Variants in TAF6 observed in about 807,000 individuals in gnomAD.
The protein encoded by TAF6 is transcription initiation factor TFIID subunit 6.
Under a neutral mutation model 73.5 loss-of-function variants are expected in TAF6, and 50 were observed. The ratio of observed to expected loss-of-function variants is 0.68; its 90% CI spans 0.54 to 0.86. TAF6 has a LOEUF of 0.86. TAF6 is among the 40% of genes least tolerant of loss of function. The pLI is 0.00. For synonymous variants in TAF6, 424 were observed against 376.7 expected (o/e 1.13, Z -1.45); for missense variants, 768 against 899.5 (o/e 0.85, Z 1.87).
Position 100,107,226 on chromosome 7 carries a change from G to A in TAF6, c.*20C>T, listed in dbSNP as rs4134928. The A allele has an allele frequency of 2.3e-3, 3,562 of 1,518,962 alleles. 62 individuals are homozygous for A. The South Asian group carries it at 0.029, about 12-fold the overall frequency. The allele number at this position is 1,518,962 out of a possible 1,614,324, so 94.1% of individuals were successfully genotyped here. A position where few individuals can be genotyped will look rare whatever the true frequency, so the allele number is the denominator to read the frequency against. Reference sequence around the variant, plus strand: ...TACATGTCTGCATGTGTGGGAATCCGGGGGCTGGCAGGTGGAGCATCACGG... The same window carrying A: ...TACATGTCTGCATGTGTGGGAATCCAGGGGCTGGCAGGTGGAGCATCACGG... On this transcript the variant is annotated 3_prime_UTR_variant, in exon 15 of 15. Coordinates refer to ENST00000453269, the MANE Select transcript of TAF6 (RefSeq NM_139315.3).
At chr7:100,115,023 A>G (rs1214015422) in intron 1 of TAF6, among the ~76,000 whole-genome samples, 1 of 151,824 alleles carries the variant, frequency 6.6e-6, no homozygotes, top group Non-Finnish European at 1.5e-5. Context: ...CACACAGCCA[A>G]TTTTTTGCAG....
In TAF6 at chr7:100,111,860, C is replaced by T. The variant is rs562986054; in HGVS notation, c.799-31G>A. On this transcript the variant is annotated intron_variant, in intron 8 of 14. Coordinates refer to ENST00000453269, the MANE Select transcript of TAF6 (RefSeq NM_139315.3). ...GGAGGGAGAAGTGCTGGGCATGGGG[C>T]AGGGAGACCCTCACAGGAGCTTCCA... 2.8e-5 allele frequency: 45 copies of T among 1,614,072 alleles called. No homozygotes were observed. In the South Asian group the frequency reaches 4.7e-4, roughly 17 times the overall value.
Position 100,112,122 on chromosome 7 carries a change from C to CGCA in TAF6, c.703_705dup (p.Cys235dup). ...GGGGCCCTCACCGCCCTCTTGGCCTCGCAGGAGCCCACGCAGGCCTCGGTG... is the reference window on the plus strand; with the variant it reads ...GGGGCCCTCACCGCCCTCTTGGCCTCGCAGCAGGAGCCCACGCAGGCCTCGGTG... On this transcript the variant is annotated inframe_insertion, in exon 7 of 15. Transcript: ENST00000453269. The CGCA allele has an allele frequency of 6.2e-7, 1 of 1,613,752 alleles. No homozygotes were observed. Among genetic ancestry groups the CGCA allele is most frequent in the Non-Finnish European group, 8.5e-7 (1 of 1,179,800 alleles).
the TAF6 span, chr7:100,125,273 G>A: frequency 2.1e-5 from 4 of 188,870 alleles, no homozygotes; most frequent in African/African-American, 4.7e-5. Context: ...TTCCAAGGAA[G>A]AGGCCAGAAC....
rs1477820857 is a variant in TAF6, at chr7:100,113,478, G to A, written c.398-73C>T. ...GGGAGTTGCCCCATGCTATGGAAGC[G>A]TGTTTCCACTCCTGCTCCCCTTGCA... On this transcript the variant is annotated intron_variant, in intron 4 of 14. Coordinates refer to ENST00000453269, the MANE Select transcript of TAF6 (RefSeq NM_139315.3). The A allele has an allele frequency of 8.5e-6, 13 of 1,522,794 alleles. No homozygotes were observed. In the Admixed American group the frequency reaches 1.7e-4, roughly 20 times the overall value. 94.3% of individuals were successfully genotyped at this position (1,522,794 alleles called of 1,614,324 possible). A position where few individuals can be genotyped will look rare whatever the true frequency, so the allele number is the denominator to read the frequency against.
chr7:100,117,490 T>C (rs1490532736), intron 1 of TAF6, among the ~76,000 whole-genome samples: 3 of 151,636 alleles, frequency 2.0e-5, no homozygotes, highest in Non-Finnish European at 4.4e-5. Context: ...CAGGCTGGTC[T>C]TGAACTCCTG....
Position 100,107,375 on chromosome 7 carries a change from C to A in TAF6, c.1905G>T (p.Pro635=). 1 of 1,587,848 alleles carries A rather than the reference C, an allele frequency of 6.3e-7. No homozygotes were observed. The highest frequency in any genetic ancestry group is 1.1e-5 in the South Asian group (1 of 87,966). ...PSPVPPPASS[P]SPLSGSALCG... is the part of the protein sequence containing the mutation. Reference sequence around the variant, plus strand: ...AAAGGGCACTGCCGCTGAGTGGGGACGGGGACGATGCCGGGGGAGGAACTG... The same window carrying A: ...AAAGGGCACTGCCGCTGAGTGGGGAAGGGGACGATGCCGGGGGAGGAACTG... Residue 635 remains proline (P), a synonymous_variant, in exon 15 of 15, where the codon CCG becomes CCT. Coordinates refer to ENST00000453269, the MANE Select transcript of TAF6 (RefSeq NM_139315.3).
At chr7:100,124,936 C>T in the TAF6 span, 4 of 1,534,666 alleles carry the variant, frequency 2.6e-6, no homozygotes, top group South Asian at 5.2e-5. Context: ...GGAGAGCCCT[C>T]TAAAGCCTGC....
At chr7:100,117,674 T>TTGG (rs1797779171) in intron 1 of TAF6, among the ~76,000 whole-genome samples, 1 of 152,152 alleles carries the variant, frequency 6.6e-6, no homozygotes, top group South Asian at 2.1e-4. Flanking sequence ...CTTAGAGATA[T>TTGG]TGGTGCTCAG....
the TAF6 span, chr7:100,126,633 A>C: frequency 6.6e-6 from 1 of 152,202 alleles, no homozygotes; most frequent in Non-Finnish European, 1.5e-5. Flanking sequence ...TGTCTCCAAA[A>C]AAAAAGAGAA....
chr7:100,122,512 T>G (rs777487086), upstream of TAF6: 1 of 1,613,882 alleles, frequency 6.2e-7, no homozygotes, highest in East Asian at 2.2e-5. Context: ...CTTAGAGAAT[T>G]TATGTGAGCG....
At chr7:100,121,826 G>A (rs1434160320), upstream of TAF6, among the ~76,000 whole-genome samples, 4 of 151,746 alleles carry the variant, frequency 2.6e-5, no homozygotes, top group South Asian at 2.1e-4. Flanking sequence ...CAAGGCGGGC[G>A]GATCACAAGG....
At chr7:100,110,162 G>A (rs747195663) in intron 11 of TAF6, 38 bp downstream of exon 11, 15 of 1,613,928 alleles carry the variant, frequency 9.3e-6, no homozygotes, top group Non-Finnish European at 1.2e-5. Context: ...CCTCATGACT[G>A]TGTCCCCTCC....
At chr7:100,121,108 A>ATTTTTT (rs1562938218), upstream of TAF6, 1 of 17,896 alleles carries the variant, frequency 5.6e-5, no homozygotes. Context: ...ATATATATAT[A>ATTTTTT]TATATATATT....
At chr7:100,124,029 C>G (rs1459064864), upstream of TAF6, among the ~76,000 whole-genome samples, 2 of 151,644 alleles carry the variant, frequency 1.3e-5, no homozygotes, top group Admixed American at 1.3e-4. Flanking sequence ...CCCAGCTACT[C>G]AGGAAGCTGA....
intron 1 of TAF6, among the ~76,000 whole-genome samples, chr7:100,116,201 C>T (rs899119741): frequency 6.6e-6 from 1 of 152,168 alleles, no homozygotes; most frequent in Non-Finnish European, 1.5e-5. Context: ...TGGCTCTCCA[C>T]TTGCCATAAA....
upstream of TAF6, among the ~76,000 whole-genome samples, chr7:100,124,072 G>C (rs1179815565): frequency 6.6e-6 from 1 of 151,784 alleles, no homozygotes; most frequent in African/African-American, 2.4e-5. Flanking sequence ...GGGAGGCGGA[G>C]GTTGCAGTGA....
chr7:100,124,455 C>T, upstream of TAF6: 1 of 1,351,882 alleles, frequency 7.4e-7, no homozygotes. Flanking sequence ...GGAGAGAAGA[C>T]AGGCGGGATC....
At chr7:100,116,891 C>A (rs1012011577) in intron 1 of TAF6, among the ~76,000 whole-genome samples, 3 of 152,134 alleles carry the variant, frequency 2.0e-5, no homozygotes, top group African/African-American at 7.2e-5. Flanking sequence ...CCTGACCACC[C>A]TATTTAACTC....
Sources: gnomAD v4.1 joint callset for allele counts (sites outside exome capture counted in the v4.1 genomes callset) on GRCh38, gnomAD v4.1.1 for gene constraint, MANE v1.5 for transcripts, NCBI Gene and HGNC (gene_info 2026-07-23, HGNC 2026-07-21) for gene names.